The following PRIM2 variants were observed in gnomAD, a reference collection of about 807,000 sequenced individuals.
PRIM2 encodes DNA primase subunit 2.
PRIM2 carries 39 observed loss-of-function variants against 67.3 expected under a neutral mutation model. The observed-to-expected ratio is 0.58, with a 90% CI of 0.45 to 0.76. PRIM2 has a LOEUF of 0.76. PRIM2 is among the 30% of genes least tolerant of loss of function. The pLI is 0.00. For missense variants in PRIM2, 398 were observed against 598.7 expected (o/e 0.66, Z 3.50); for synonymous variants, 143 against 198.7 (o/e 0.72, Z 2.36).
At chr6:57,231,641 T>C in the PRIM2 span, among the ~76,000 whole-genome samples, 1 of 152,210 alleles carries the variant, frequency 6.6e-6, no homozygotes, top group Admixed American at 6.5e-5. Context: ...TTGTGTCTGA[T>C]TGACAAATTG....
the PRIM2 span, among the ~76,000 whole-genome samples, chr6:57,246,531 G>A: frequency 6.6e-6 from 1 of 152,136 alleles, no homozygotes; most frequent in African/African-American, 2.4e-5. Context: ...GGATGGTGTT[G>A]CAACAATTCA....
intron 12 of PRIM2, among the ~76,000 whole-genome samples, chr6:57,619,748 G>A (rs1313843287): frequency 1.3e-5 from 2 of 152,148 alleles, no homozygotes; most frequent in African/African-American, 4.8e-5. Flanking sequence ...TATGAACAAA[G>A]CCTCTAAGAA....
intron 5 of PRIM2, among the ~76,000 whole-genome samples, chr6:57,353,826 G>A (rs1768936821): frequency 6.6e-6 from 1 of 152,096 alleles, no homozygotes; most frequent in Non-Finnish European, 1.5e-5. Context: ...CATCTCTTAA[G>A]CTCTTCTGTT....
At chr6:57,340,997 A>G (rs901198514) in intron 5 of PRIM2, among the ~76,000 whole-genome samples, 95 of 152,320 alleles carry the variant, frequency 6.2e-4, no homozygotes, top group Middle Eastern at 3.4e-3. Flanking sequence ...TTATTTATTT[A>G]TAAATTTATA....
At chr6:57,511,689 T>A (rs1774372125) in intron 8 of PRIM2, among the ~76,000 whole-genome samples, 1 of 152,090 alleles carries the variant, frequency 6.6e-6, no homozygotes, top group African/African-American at 2.4e-5. Flanking sequence ...TGGACTGAAC[T>A]GTAATCTCAC....
chr6:57,499,551 C>T (rs1774084447), intron 7 of PRIM2, among the ~76,000 whole-genome samples: 4 of 152,156 alleles, frequency 2.6e-5, no homozygotes, highest in Non-Finnish European at 5.9e-5. Flanking sequence ...GCTAAGTTCC[C>T]CCCAGTTAAT....
intron 7 of PRIM2, among the ~76,000 whole-genome samples, chr6:57,385,107 T>C (rs1770095520): frequency 6.6e-6 from 1 of 152,102 alleles, no homozygotes; most frequent in African/African-American, 2.4e-5. Context: ...ATGTGGCAGA[T>C]TTTTGCAAAA....
At chr6:57,353,992 ATTAG>A (rs1465039389) in intron 5 of PRIM2, among the ~76,000 whole-genome samples, 2 of 152,192 alleles carry the variant, frequency 1.3e-5, no homozygotes, top group African/African-American at 4.8e-5. Context: ...GAGAAAAGTA[ATTAG>A]TTAGCTTGGT....
chr6:57,346,012 A>G (rs1768664204), intron 5 of PRIM2, among the ~76,000 whole-genome samples: 1 of 152,162 alleles, frequency 6.6e-6, no homozygotes, highest in Admixed American at 6.5e-5. Flanking sequence ...AGCAGTAAGG[A>G]TGACCAGAGG....
At chr6:57,272,959 C>G in the PRIM2 span, among the ~76,000 whole-genome samples, 1 of 152,214 alleles carries the variant, frequency 6.6e-6, no homozygotes, top group African/African-American at 2.4e-5. Context: ...TTGGCCCCTA[C>G]TCTCTTCTGG....
At chr6:57,248,066 C>T in the PRIM2 span, among the ~76,000 whole-genome samples, 2 of 152,142 alleles carry the variant, frequency 1.3e-5, no homozygotes, top group African/African-American at 2.4e-5. Context: ...AAGGAGTGTA[C>T]ATAAGATCTT....
intron 12 of PRIM2, among the ~76,000 whole-genome samples, chr6:57,611,570 A>G (rs1229009857): frequency 6.6e-6 from 1 of 152,176 alleles, no homozygotes; most frequent in Non-Finnish European, 1.5e-5. Flanking sequence ...GAACAAGTAG[A>G]TCTAGAACAA....
At chr6:57,408,089 C>T (rs1483710971) in intron 7 of PRIM2, among the ~76,000 whole-genome samples, 1 of 152,060 alleles carries the variant, frequency 6.6e-6, no homozygotes, top group Non-Finnish European at 1.5e-5. Flanking sequence ...CTTTTTTTTC[C>T]CCACTTTGGA....
intron 7 of PRIM2, among the ~76,000 whole-genome samples, 190 bp from the exon 8 acceptor site, chr6:57,507,197 T>C (rs1246633445): frequency 6.6e-6 from 1 of 152,234 alleles, no homozygotes; most frequent in African/African-American, 2.4e-5. Context: ...CTTAGAACCA[T>C]GTAGCCAGCT....
chr6:57,378,131 G>A (rs1769833826), intron 5 of PRIM2, among the ~76,000 whole-genome samples: 1 of 150,088 alleles, frequency 6.7e-6, no homozygotes, highest in African/African-American at 2.5e-5. Flanking sequence ...TGTGATCATG[G>A]CTTACTGCAG....
At chr6:57,261,288 C>A in the PRIM2 span, among the ~76,000 whole-genome samples, 2 of 152,146 alleles carry the variant, frequency 1.3e-5, no homozygotes, top group African/African-American at 4.8e-5. Context: ...ACAAAAGGAG[C>A]CAGGCCACCA....
At position 57,550,087 on chromosome 6, in the gene PRIM2, C is replaced by G. The variant is rs1775369869; in HGVS notation, c.1020+12462C>G. On this transcript the variant is annotated intron_variant, in intron 10 of 13. Coordinates refer to ENST00000615550, the MANE Select transcript of PRIM2 (RefSeq NM_000947.5). ...GCAACAAGAGCGAAACTCCGTGTCC[C>G]CCCTAAACCCCCCTCAAAAAAAAGT... is the stretch of plus-strand genomic sequence containing the variant. Among the ~76,000 whole-genome samples the G allele has an allele frequency of 2.6e-5, 4 of 152,080 alleles. No individual in the cohort carries two copies. In the South Asian group the frequency reaches 8.3e-4, roughly 32 times the overall value.
chr6:57,297,378 G>A, the PRIM2 span, among the ~76,000 whole-genome samples: 1 of 152,094 alleles, frequency 6.6e-6, no homozygotes, highest in African/African-American at 2.4e-5. Context: ...GGAGGTGAAG[G>A]TTGCAGTGAG....
At chr6:57,414,132 G>A (rs1771183294) in intron 7 of PRIM2, among the ~76,000 whole-genome samples, 1 of 152,088 alleles carries the variant, frequency 6.6e-6, no homozygotes, top group Non-Finnish European at 1.5e-5. Context: ...ATCTGCTGTG[G>A]GAAGGATTGA....
Sources: gnomAD v4.1 joint callset for allele counts (sites outside exome capture counted in the v4.1 genomes callset) on GRCh38, gnomAD v4.1.1 for gene constraint, MANE v1.5 for transcripts, NCBI Gene and HGNC (gene_info 2026-07-23, HGNC 2026-07-21) for gene names.